The following PIK3C2B variants were observed in gnomAD, a reference collection of about 807,000 sequenced individuals.
PIK3C2B encodes phosphatidylinositol 4-phosphate 3-kinase C2 domain-containing subunit beta.
In PIK3C2B, 83 loss-of-function variants were observed where a neutral mutation model predicts 184.3. The observed-to-expected ratio is 0.45, with a 90% CI of 0.38 to 0.54. The LOEUF (loss-of-function observed/expected upper bound fraction) is 0.54. Among genes scored for constraint, PIK3C2B ranks in the 20% least tolerant of loss-of-function variants. The pLI is 0.00. For missense variants in PIK3C2B, 1,736 were observed against 2,113.5 expected, an observed-to-expected ratio of 0.82 and a Z score of 3.50; for synonymous variants, 779 against 837.6, an observed-to-expected ratio of 0.93 and a Z score of 1.21.
chr1:204,449,764 A>C, intron 13 of PIK3C2B, 86 bp downstream of exon 13: 3 of 1,267,040 alleles, frequency 2.4e-6, no homozygotes, highest in Non-Finnish European at 3.3e-6. Context: ...CCCAAGGCGC[A>C]CTGGCCAGTG....
At chr1:204,442,246 T>A (rs570811742) in intron 20 of PIK3C2B, among the ~76,000 whole-genome samples, 9 of 152,218 alleles carry the variant, frequency 5.9e-5, no homozygotes, top group Non-Finnish European at 1.0e-4. Flanking sequence ...GCCCTCATTC[T>A]GTCTTTAAGC....
At chr1:204,448,194 A>G (rs547766141) in intron 14 of PIK3C2B, among the ~76,000 whole-genome samples, 1 of 151,160 alleles carries the variant, frequency 6.6e-6, no homozygotes, top group Admixed American at 6.6e-5. Context: ...GCTCAGTGCA[A>G]CCTCTGCCTC....
chr1:204,434,007 T>C (rs1043162348), intron 24 of PIK3C2B, 58 bp from the exon 25 acceptor site: 3 of 1,423,136 alleles, frequency 2.1e-6, no homozygotes, highest in Admixed American at 1.7e-5. Flanking sequence ...GCCCACCATA[T>C]GGGCTGCATC....
chr1:204,457,139 G>C, intron 9 of PIK3C2B, 69 bp from the exon 10 acceptor site: 1 of 1,321,134 alleles, frequency 7.6e-7, no homozygotes, highest in Non-Finnish European at 1.1e-6. Context: ...TGGAAGAAGG[G>C]CTTTTCACAG....
intron 1 of PIK3C2B, among the ~76,000 whole-genome samples, chr1:204,477,479 C>T (rs551489539): frequency 2.6e-4 from 39 of 152,230 alleles, no homozygotes; most frequent in Non-Finnish European, 5.6e-4. Flanking sequence ...CTCAGTCTCA[C>T]AGCTGCCCAC....
chr1:204,449,052 A>G (rs1654120889), intron 14 of PIK3C2B, 133 bp downstream of exon 14: 6 of 669,148 alleles, frequency 9.0e-6, no homozygotes, highest in South Asian at 8.7e-5. Context: ...CAGTTGCTTC[A>G]GTCACATCAT....
At position 204,433,384 on chromosome 1, in the gene PIK3C2B, G is replaced by T; in HGVS notation, c.3885C>A (p.Asp1295Glu). 6.2e-7 allele frequency: 1 copy of T among 1,612,288 alleles called. No individual in the cohort carries two copies. Among genetic ancestry groups the T allele is most frequent in the Non-Finnish European group, 8.5e-7 (1 of 1,178,296 alleles). Residue 1295 changes from aspartate (D) to glutamate (E), a missense_variant, in exon 26 of 33, where the codon GAC (aspartate) becomes GAA (glutamate). By Grantham distance (45) the Asp-to-Glu change is conservative. This residue lies in a region of PIK3C2B where 119 missense variants were observed against 179.3 expected (regional missense o/e 0.66). Coordinates refer to ENST00000684373, the MANE Select transcript of PIK3C2B (RefSeq NM_001377334.1). The surrounding 1 kb of genome is among the most constrained non-coding windows in gnomAD (Gnocchi z 5.0). ...TCAGGGCATCGTACACATACTTGAG[G>T]TCCTCCAGGTCTGAGAGTTCAGGGA... is the stretch of plus-strand genomic sequence containing the variant. ...CGIPELSDLE[D>E]LKYVYDALRP... is the part of the protein sequence containing the mutation.
rs1483754372 is a variant in PIK3C2B, at chr1:204,430,127, C to T, written c.4281-89G>A. The T allele has an allele frequency of 1.0e-5, 8 of 800,242 alleles. No individual in the cohort carries two copies. In the South Asian group the frequency reaches 1.1e-4, roughly 11 times the overall value. The allele number at this position is 800,242 out of a possible 1,614,324, so 49.6% of individuals were successfully genotyped here. The stretch of plus-strand genomic sequence containing the variant: ...ATGGGCTTTTTTCACATTTCATTTG[C>T]GTTTCCAGTCCCCTAGCACCCATTT... On this transcript the variant is annotated intron_variant, in intron 28 of 32. Transcript: ENST00000684373.
At chr1:204,479,036 G>A (rs1656928324) in intron 1 of PIK3C2B, among the ~76,000 whole-genome samples, 1 of 152,230 alleles carries the variant, frequency 6.6e-6, no homozygotes, top group Non-Finnish European at 1.5e-5. Flanking sequence ...AGACCAGGAT[G>A]GAAGAGGTGA....
intron 1 of PIK3C2B, among the ~76,000 whole-genome samples, chr1:204,481,745 G>A (rs1212707162): frequency 2.0e-5 from 3 of 152,178 alleles, no homozygotes; most frequent in Non-Finnish European, 4.4e-5. Context: ...AGGCAGAAGA[G>A]CTTCACAAGA....
intron 1 of PIK3C2B, among the ~76,000 whole-genome samples, chr1:204,479,085 G>C (rs1356466168): frequency 2.0e-5 from 3 of 152,214 alleles, no homozygotes; most frequent in Non-Finnish European, 4.4e-5. Context: ...CCTTCCTCTA[G>C]AGCTGGCAAT....
chr1:204,432,705 A>T (rs575852753), intron 26 of PIK3C2B, among the ~76,000 whole-genome samples: 1 of 152,332 alleles, frequency 6.6e-6, no homozygotes, highest in Non-Finnish European at 1.5e-5. Context: ...ATATCAAAAA[A>T]TTTCAAGGTT....
At chr1:204,470,944 G>A (rs1656264675) in intron 1 of PIK3C2B, among the ~76,000 whole-genome samples, 1 of 152,254 alleles carries the variant, frequency 6.6e-6, no homozygotes, top group Admixed American at 6.5e-5. Flanking sequence ...GATCTATAAT[G>A]ACAGAAAGCA....
intron 28 of PIK3C2B, 138 bp from the exon 29 acceptor site, chr1:204,430,176 A>G (rs1049633931): frequency 2.4e-5 from 15 of 635,978 alleles, no homozygotes; most frequent in Non-Finnish European, 5.7e-6. Context: ...ATTTCTAGGG[A>G]CCCTCACAAT....
chr1:204,446,130 T>C lies in PIK3C2B; in HGVS notation c.2504A>G (p.Asp835Gly). 1 of 1,562,362 alleles carries C rather than the reference T, an allele frequency of 6.4e-7. No individual in the cohort carries two copies. Among genetic ancestry groups the C allele is most frequent in the South Asian group, 1.2e-5 (1 of 85,544 alleles). Residue 835 changes from aspartate to glycine, a missense_variant, in exon 16 of 33, where the codon GAC (aspartate) becomes GGC (glycine). Coordinates refer to ENST00000684373, the MANE Select transcript of PIK3C2B (RefSeq NM_001377334.1). ...TCGCTTCTCCCACAGGCGCTTCTTG[T>C]CAGCATCAGTGAGCCTGGTGGGCAC... Reference protein sequence around the residue: ...KESLYWLTDADKKRLWEKRYY... With the variant: ...KESLYWLTDAGKKRLWEKRYY...
chr1:204,433,300 C>A lies in PIK3C2B; in HGVS notation c.3953+16G>T. Reference sequence around the variant, plus strand: ...TCAGGGTGGGCAGTGCTGATTCGCTCAGGGAATCATTTTACCTAGTGAAGT... The same window carrying A: ...TCAGGGTGGGCAGTGCTGATTCGCTAAGGGAATCATTTTACCTAGTGAAGT... On this transcript the variant is annotated intron_variant, in intron 26 of 32. Transcript: ENST00000684373. This position sits in a 1 kb window ranked among gnomAD's most constrained non-coding sequence, Gnocchi z 5.0. 1 of 1,360,558 alleles carries A rather than the reference C, an allele frequency of 7.3e-7. No homozygotes were observed. Among genetic ancestry groups the A allele is most frequent in the South Asian group, 1.2e-5 (1 of 85,790 alleles). 84.3% of individuals were successfully genotyped at this position (1,360,558 alleles called of 1,614,324 possible).
chr1:204,462,573 C>T (rs1655423743), intron 5 of PIK3C2B, among the ~76,000 whole-genome samples: 1 of 152,210 alleles, frequency 6.6e-6, no homozygotes, highest in Non-Finnish European at 1.5e-5. Flanking sequence ...TGCCAGGCAA[C>T]CCTGAGTCTA....
At chr1:204,457,006 ACTG>A in intron 10 of PIK3C2B, 28 bp downstream of exon 10, 1 of 1,556,534 alleles carries the variant, frequency 6.4e-7, no homozygotes, top group Non-Finnish European at 8.7e-7. Context: ...CGGCAGCCCG[ACTG>A]GATGAAGATG....
intron 3 of PIK3C2B, 58 bp downstream of exon 3, chr1:204,465,161 G>GGCCCCCACCCCCA: frequency 1.4e-6 from 1 of 734,312 alleles, no homozygotes; most frequent in East Asian, 3.3e-5. Context: ...GAAATGGATG[G>GGCCCCCACCCCCA]CCCCCCTCCC....
Sources: allele counts gnomAD v4.1 joint callset (sites outside exome capture counted in the v4.1 genomes callset), GRCh38; gene constraint gnomAD v4.1.1; regional missense constraint gnomAD v4.1.1; non-coding constraint Gnocchi (gnomAD v3.1); transcripts MANE v1.5; gene names NCBI Gene and HGNC (gene_info 2026-07-23, HGNC 2026-07-21).